The following YJU2 variants were observed in gnomAD, a reference collection of about 807,000 sequenced individuals.
YJU2 encodes the protein YJU2 splicing factor homolog, also known as splicing factor YJU2.
Under a neutral mutation model 39.6 loss-of-function variants are expected in YJU2, and 28 were observed. That is an observed-to-expected ratio of 0.71 (90% CI 0.52 to 0.97). The LOEUF (loss-of-function observed/expected upper bound fraction) is 0.97. YJU2 is among the 50% of genes least tolerant of loss of function. YJU2 has a pLI of 0.00. For synonymous variants in YJU2, 184 were observed against 182.4 expected (o/e 1.01, Z -0.07); for missense variants, 328 against 430.4 (o/e 0.76, Z 2.11).
chr19:4,265,536 T>C (rs980971476), intron 6 of YJU2, among the ~76,000 whole-genome samples: 2 of 150,992 alleles, frequency 1.3e-5, no homozygotes, highest in African/African-American at 4.9e-5. Context: ...CAATCCTTAG[T>C]TTAGTTTAAT....
intron 4 of YJU2, 45 bp downstream of exon 4, chr19:4,254,534 G>C: frequency 2.0e-6 from 3 of 1,506,216 alleles, no homozygotes; most frequent in East Asian, 2.5e-5. Flanking sequence ...TGTGTGTGTG[G>C]GTGTGTGTGT....
intron 4 of YJU2, among the ~76,000 whole-genome samples, chr19:4,256,879 T>G (rs1971026062): frequency 6.6e-6 from 1 of 152,202 alleles, no homozygotes; most frequent in African/African-American, 2.4e-5. Flanking sequence ...GGAAGGCCTG[T>G]GCTTTTACAT....
intron 2 of YJU2, among the ~76,000 whole-genome samples, chr19:4,249,934 T>A (rs1373170430): frequency 6.6e-6 from 1 of 152,146 alleles, no homozygotes; most frequent in Non-Finnish European, 1.5e-5. Flanking sequence ...CTCGAACTCC[T>A]GACCTCAGGT....
At chr19:4,264,123 G>A (rs772234493) in intron 6 of YJU2, among the ~76,000 whole-genome samples, 8 of 151,324 alleles carry the variant, frequency 5.3e-5, no homozygotes, top group Non-Finnish European at 8.9e-5. Context: ...TTAGCCGGGC[G>A]TGGTGGCGGG....
At chr19:4,264,893 C>T (rs931998527) in intron 6 of YJU2, among the ~76,000 whole-genome samples, 4 of 152,098 alleles carry the variant, frequency 2.6e-5, no homozygotes, top group Admixed American at 2.0e-4. Flanking sequence ...ACAGGGATTA[C>T]AGACATCAGC....
chr19:4,248,738 G>A (rs1266795796), intron 1 of YJU2, among the ~76,000 whole-genome samples: 3 of 152,102 alleles, frequency 2.0e-5, no homozygotes, highest in African/African-American at 7.2e-5. Context: ...GGCCAACATG[G>A]TGAAACCCCA....
chr19:4,248,510 T>A (rs1970949650), intron 1 of YJU2, among the ~76,000 whole-genome samples: 2 of 152,190 alleles, frequency 1.3e-5, no homozygotes, highest in Admixed American at 6.6e-5. Flanking sequence ...GTATCGTGAT[T>A]GGGAGGCTGA....
At chr19:4,251,683 T>TAAAA (rs34528734) in intron 3 of YJU2, among the ~76,000 whole-genome samples, 2 of 102,888 alleles carry the variant, frequency 1.9e-5, no homozygotes, top group Non-Finnish European at 4.3e-5. Context: ...AGACTCCAAC[T>TAAAA]AAAAAAAAAA....
intron 1 of YJU2, 77 bp downstream of exon 1, chr19:4,247,247 G>A: frequency 3.0e-6 from 4 of 1,343,052 alleles, no homozygotes; most frequent in Non-Finnish European, 4.2e-6. Context: ...AGCTTCCTGA[G>A]ATCTCTTCTT....
intron 6 of YJU2, among the ~76,000 whole-genome samples, chr19:4,262,728 G>A (rs775341246): frequency 8.6e-5 from 13 of 151,858 alleles, no homozygotes; most frequent in Non-Finnish European, 1.3e-4. Flanking sequence ...GGGCAACAAA[G>A]TGAGACCCCT....
At chr19:4,249,444 C>T (rs930735814) in intron 2 of YJU2, 116 bp downstream of exon 2, 5 of 664,862 alleles carry the variant, frequency 7.5e-6, no homozygotes, top group African/African-American at 5.4e-5. Context: ...TAGACATTGT[C>T]CTGGCTCAGA....
intron 6 of YJU2, 91 bp from the exon 7 acceptor site, chr19:4,267,533 G>C: frequency 7.5e-7 from 1 of 1,337,120 alleles, no homozygotes; most frequent in Admixed American, 1.9e-5. Context: ...TGGAAGAGTG[G>C]GCATGGGGCA....
Position 4,249,209 on chromosome 19 carries a change from T to C in YJU2, c.25-19T>C. ...GCTTCTGAAAATAACTCCCCCAACG[T>C]TTCCTTCCTCCCCTGCAGAAATACT... On this transcript the variant is annotated intron_variant, in intron 1 of 7. Transcript: ENST00000262962. 6.4e-7 allele frequency: 1 copy of C among 1,560,102 alleles called. No homozygotes were observed.
At chr19:4,249,400 G>A (rs930606617) in intron 2 of YJU2, 72 bp downstream of exon 2, 9 of 969,090 alleles carry the variant, frequency 9.3e-6, no homozygotes, top group Middle Eastern at 2.1e-4. Context: ...CCACAGAGGT[G>A]ACTCGTCCGG....
rs535595428 is a variant in YJU2, at chr19:4,263,952, A to G, written c.708+1838A>G. Among the ~76,000 whole-genome samples, 20 of 151,874 alleles carry G rather than the reference A, an allele frequency of 1.3e-4. No individual in the cohort carries two copies. The East Asian group carries it at 3.9e-3, about 30-fold the overall frequency. ...TAAAAGTAGGGGCTCATAAACCAAT[A>G]ACACAGACACACAGAAACGATTGTT... is the stretch of plus-strand genomic sequence containing the variant. On this transcript the variant is annotated intron_variant, in intron 6 of 7. Coordinates refer to ENST00000262962, the MANE Select transcript of YJU2 (RefSeq NM_018074.6).
At chr19:4,247,675 GTGT>G (rs1970941529) in intron 1 of YJU2, among the ~76,000 whole-genome samples, 1 of 108,508 alleles carries the variant, frequency 9.2e-6, no homozygotes, top group African/African-American at 3.5e-5. Context: ...GTGTGTGTGT[GTGT>G]GTGTGTGTGT....
chr19:4,253,550 C>T (rs950684889), intron 3 of YJU2, among the ~76,000 whole-genome samples: 2 of 151,696 alleles, frequency 1.3e-5, no homozygotes, highest in Admixed American at 6.6e-5. Flanking sequence ...CGCTGCACTC[C>T]GGCCTGGGCA....
At chr19:4,264,752 G>A (rs1403765927) in intron 6 of YJU2, among the ~76,000 whole-genome samples, 2 of 151,988 alleles carry the variant, frequency 1.3e-5, no homozygotes, top group East Asian at 3.9e-4. Flanking sequence ...CGCCCAAAGT[G>A]CTGGGATTAC....
intron 3 of YJU2, among the ~76,000 whole-genome samples, chr19:4,253,327 C>T (rs1021168310): frequency 4.6e-5 from 7 of 152,024 alleles, no homozygotes; most frequent in African/African-American, 1.7e-4. Context: ...CCTGTAATCC[C>T]GGCACTTTGG....
Sources: allele counts gnomAD v4.1 joint callset (sites outside exome capture counted in the v4.1 genomes callset), GRCh38; gene constraint gnomAD v4.1.1; transcripts MANE v1.5; gene names NCBI Gene and HGNC (gene_info 2026-07-23, HGNC 2026-07-21).